NAALADL2: variants seen among roughly 807,000 people sequenced by gnomAD.
NAALADL2 encodes the protein inactive N-acetylated-alpha-linked acidic dipeptidase-like protein 2.
In NAALADL2, 76 loss-of-function variants were observed where a neutral mutation model predicts 87.2. The observed-to-expected ratio is 0.87, with a 90% CI of 0.72 to 1.05. The LOEUF (loss-of-function observed/expected upper bound fraction) is 1.05, where lower values mean the gene tolerates loss of function less well. Among genes scored for constraint, NAALADL2 ranks in the 50% least tolerant of loss-of-function variants. NAALADL2 has a pLI of 0.00. For missense variants in NAALADL2, 1,089 were observed against 945.8 expected (o/e 1.15, Z -1.99); for synonymous variants, 354 against 331.0 (o/e 1.07, Z -0.75).
intron 3 of NAALADL2, among the ~76,000 whole-genome samples, chr3:174,839,405 T>C (rs1346023196): frequency 1.3e-5 from 2 of 152,062 alleles, no homozygotes; most frequent in Non-Finnish European, 2.9e-5. Flanking sequence ...AAGAAATCAT[T>C]GGAAAAACCC....
intron 1 of NAALADL2, among the ~76,000 whole-genome samples, chr3:174,492,901 T>C (rs1372639786): frequency 6.6e-6 from 1 of 152,236 alleles, no homozygotes; most frequent in East Asian, 1.9e-4. Flanking sequence ...GGTTAATGCC[T>C]GAGCCTGGAC....
chr3:175,302,508 G>A (rs1375473869), intron 4 of NAALADL2, among the ~76,000 whole-genome samples: 1 of 152,066 alleles, frequency 6.6e-6, no homozygotes, highest in Non-Finnish European at 1.5e-5. Context: ...TCGAGGAAAT[G>A]CAAATAGTAC....
chr3:174,979,768 A>G (rs1274123518), intron 1 of NAALADL2, among the ~76,000 whole-genome samples: 1 of 152,224 alleles, frequency 6.6e-6, no homozygotes, highest in Non-Finnish European at 1.5e-5. Flanking sequence ...TATTATCTAT[A>G]TAATTTTGTC....
At chr3:174,667,540 A>G (rs2108792963) in intron 2 of NAALADL2, among the ~76,000 whole-genome samples, 1 of 61,496 alleles carries the variant, frequency 1.6e-5, no homozygotes, top group Non-Finnish European at 3.7e-5. Flanking sequence ...TCCAGATGGG[A>G]GAGAGTTTTT....
chr3:175,238,745 G>A (rs1560211630), intron 3 of NAALADL2, among the ~76,000 whole-genome samples: 1 of 152,128 alleles, frequency 6.6e-6, no homozygotes, highest in African/African-American at 2.4e-5. Context: ...TGATTTTTCT[G>A]TATCACTTTA....
chr3:175,377,645 C>T (rs918465673), intron 5 of NAALADL2, among the ~76,000 whole-genome samples: 3 of 152,116 alleles, frequency 2.0e-5, no homozygotes, highest in Non-Finnish European at 4.4e-5. Context: ...AACTTATATC[C>T]CTGTTTTCCT....
At chr3:174,843,252 C>T (rs1027108331) in intron 3 of NAALADL2, among the ~76,000 whole-genome samples, 1 of 152,016 alleles carries the variant, frequency 6.6e-6, no homozygotes, top group Non-Finnish European at 1.5e-5. Flanking sequence ...TTCCCATCTT[C>T]CCCTCCCTTC....
chr3:175,013,128 T>G (rs1247746325), intron 1 of NAALADL2, among the ~76,000 whole-genome samples: 1 of 89,060 alleles, frequency 1.1e-5, no homozygotes, highest in Non-Finnish European at 2.2e-5. Flanking sequence ...ATATACATAT[T>G]TATATATAAA....
chr3:174,848,171 A>G (rs878979452), intron 3 of NAALADL2, among the ~76,000 whole-genome samples: 1 of 152,148 alleles, frequency 6.6e-6, no homozygotes, highest in Admixed American at 6.5e-5. Flanking sequence ...GTAACATTTT[A>G]TATACCAAGG....
At chr3:175,736,573 G>T (rs907255933) in intron 11 of NAALADL2, among the ~76,000 whole-genome samples, 3 of 152,084 alleles carry the variant, frequency 2.0e-5, no homozygotes, top group Non-Finnish European at 4.4e-5. Flanking sequence ...TTACTGGAGG[G>T]TATAACACAG....
At chr3:174,628,046 A>G (rs1426927062) in intron 2 of NAALADL2, among the ~76,000 whole-genome samples, 1 of 152,226 alleles carries the variant, frequency 6.6e-6, no homozygotes, top group African/African-American at 2.4e-5. Flanking sequence ...ATTGTGCAAT[A>G]TATCCATGTA....
intron 3 of NAALADL2, among the ~76,000 whole-genome samples, chr3:175,241,779 C>T (rs924690141): frequency 2.7e-5 from 4 of 149,942 alleles, no homozygotes; most frequent in Admixed American, 2.7e-4. Context: ...GGTTAAAGTG[C>T]AGTGGACTGT....
chr3:175,009,127 T>G (rs1205401633), intron 1 of NAALADL2, among the ~76,000 whole-genome samples: 1 of 152,152 alleles, frequency 6.6e-6, no homozygotes, highest in Non-Finnish European at 1.5e-5. Flanking sequence ...TATAGCTTGT[T>G]GGGCCTCACT....
At chr3:175,495,013 TATC>T (rs1728610545) in intron 9 of NAALADL2, among the ~76,000 whole-genome samples, 1 of 151,010 alleles carries the variant, frequency 6.6e-6, no homozygotes, top group South Asian at 2.1e-4. Flanking sequence ...GTTGCACAGT[TATC>T]ATCCTGGGAT....
chr3:174,865,363 A>G (rs1178040978), intron 1 of NAALADL2, among the ~76,000 whole-genome samples: 1 of 152,038 alleles, frequency 6.6e-6, no homozygotes, highest in African/African-American at 2.4e-5. Flanking sequence ...CTTCAGTGAA[A>G]GATTCATTCT....
chr3:175,361,329 A>G (rs570052884), intron 5 of NAALADL2, among the ~76,000 whole-genome samples: 9 of 148,214 alleles, frequency 6.1e-5, no homozygotes, highest in South Asian at 2.2e-4. Flanking sequence ...ATAAACATAC[A>G]TGTGCATGTG....
intron 1 of NAALADL2, among the ~76,000 whole-genome samples, chr3:174,516,195 G>A (rs1042782145): frequency 6.6e-6 from 1 of 151,920 alleles, no homozygotes; most frequent in Non-Finnish European, 1.5e-5. Context: ...TTAATAGCAC[G>A]TTTTTTCCTC....
intron 13 of NAALADL2, among the ~76,000 whole-genome samples, chr3:175,762,522 A>G (rs1480948444): frequency 6.6e-6 from 1 of 152,168 alleles, no homozygotes; most frequent in Non-Finnish European, 1.5e-5. Context: ...AGATCTCAAA[A>G]GATTATTAAT....
At chr3:175,398,887 G>C (rs2149049932) in intron 5 of NAALADL2, among the ~76,000 whole-genome samples, 1 of 152,042 alleles carries the variant, frequency 6.6e-6, no homozygotes, top group Admixed American at 6.6e-5. Flanking sequence ...TCTTGCGCAA[G>C]AAAGAATTAA....
Sources: gnomAD v4.1 joint callset for allele counts (sites outside exome capture counted in the v4.1 genomes callset) on GRCh38, gnomAD v4.1.1 for gene constraint, MANE v1.5 for transcripts, NCBI Gene and HGNC (gene_info 2026-07-23, HGNC 2026-07-21) for gene names.